Variants in POLN observed in about 807,000 individuals in gnomAD.
POLN encodes DNA polymerase nu.
In POLN, 108 loss-of-function variants were observed where a neutral mutation model predicts 113.5. That is an observed-to-expected ratio of 0.95 (90% confidence interval 0.81 to 1.12). POLN has a LOEUF of 1.12. Among genes scored for constraint, POLN ranks in the 50% most tolerant of loss-of-function variants. The pLI, the probability that POLN is intolerant of heterozygous loss-of-function variation, is 0.00. For missense variants in POLN, 1,097 were observed against 1,077.1 expected (o/e 1.02, Z -0.26); for synonymous variants, 386 against 391.5 (o/e 0.99, Z 0.17).
intron 19 of POLN, among the ~76,000 whole-genome samples, chr4:2,115,312 C>A (rs2108714774): frequency 6.6e-6 from 1 of 151,092 alleles, no homozygotes; most frequent in African/African-American, 2.4e-5. Context: ...AAGTGATCTG[C>A]CTGCCTCAGC....
chr4:2,197,736 A>G (rs1452171654), intron 6 of POLN, among the ~76,000 whole-genome samples: 1 of 152,206 alleles, frequency 6.6e-6, no homozygotes, highest in Non-Finnish European at 1.5e-5. Context: ...CCTTCTCCCC[A>G]AAAGTTACCT....
chr4:2,081,414 G>T, intron 22 of POLN: 1 of 624,942 alleles, frequency 1.6e-6, no homozygotes, highest in East Asian at 2.8e-5. Flanking sequence ...AGTTCTTGCG[G>T]GAATCATCCA....
chr4:2,075,365 G>A, intron 24 of POLN, 87 bp downstream of exon 24: 1 of 1,408,612 alleles, frequency 7.1e-7, no homozygotes, highest in Non-Finnish European at 9.9e-7. Flanking sequence ...GACAGCTGAG[G>A]GGCTTTCCTG....
At chr4:2,140,089 A>ATTTG (rs1229655281) in intron 16 of POLN, 2 of 151,808 alleles carry the variant, frequency 1.3e-5, no homozygotes, top group East Asian at 3.9e-4. Context: ...TTATTTATTT[A>ATTTG]TTTTTTTGAG....
At chr4:2,176,383 G>A in intron 8 of POLN, 49 bp from the exon 9 acceptor site, 2 of 1,395,932 alleles carry the variant, frequency 1.4e-6, no homozygotes. Context: ...CTTGGTGGCA[G>A]TGCTCACCAC....
chr4:2,074,328 T>G (rs1328333617), intron 24 of POLN, among the ~76,000 whole-genome samples: 1 of 152,098 alleles, frequency 6.6e-6, no homozygotes, highest in African/African-American at 2.4e-5. Context: ...GCCCGACCCC[T>G]GGTTCCCCAG....
intron 16 of POLN, among the ~76,000 whole-genome samples, chr4:2,154,141 T>C (rs1266265572): frequency 7.8e-6 from 1 of 127,514 alleles, no homozygotes; most frequent in Non-Finnish European, 1.5e-5. Flanking sequence ...GAGCTTGCAG[T>C]GAGCTGAGAT....
chr4:2,131,958 G>T (rs1160371148), intron 16 of POLN, among the ~76,000 whole-genome samples: 1 of 152,192 alleles, frequency 6.6e-6, no homozygotes, highest in Non-Finnish European at 1.5e-5. Flanking sequence ...TGCTTTGTCT[G>T]GGAATAGAAC....
chr4:2,089,834 C>A, intron 20 of POLN: 1 of 864,458 alleles, frequency 1.2e-6, no homozygotes, highest in Middle Eastern at 3.0e-4. Context: ...AACAAATCAG[C>A]ATCTAGGTTC....
At chr4:2,206,056 T>C (rs1733835364) in intron 5 of POLN, among the ~76,000 whole-genome samples, 1 of 152,112 alleles carries the variant, frequency 6.6e-6, no homozygotes, top group South Asian at 2.1e-4. Flanking sequence ...AATAGGCACA[T>C]AGACCAATTG....
chr4:2,077,033 T>G (rs1466061768), intron 23 of POLN: 3 of 148,776 alleles, frequency 2.0e-5, no homozygotes, highest in African/African-American at 7.5e-5. Flanking sequence ...GGGAGGGAGG[T>G]AAGGAGTGGG....
chr4:2,125,606 T>C (rs1731559404), intron 19 of POLN, among the ~76,000 whole-genome samples: 2 of 151,880 alleles, frequency 1.3e-5, no homozygotes, highest in African/African-American at 4.8e-5. Context: ...AGCAAGTAAA[T>C]AATGGGGATC....
At chr4:2,082,469 T>C (rs749724221) in intron 21 of POLN, among the ~76,000 whole-genome samples, 8 of 152,206 alleles carry the variant, frequency 5.3e-5, no homozygotes, top group Non-Finnish European at 1.0e-4. Flanking sequence ...GCAGATCCAA[T>C]CTTGAGTGGC....
Position 2,208,100 on chromosome 4 carries a change from T to G in POLN, c.601A>C (p.Arg201=). Residue 201 remains arginine (R), a synonymous_variant, in exon 5 of 26, where the codon AGG becomes CGG. Transcript: ENST00000511885. The part of the protein sequence containing the change: ...GALKKHFCDI[R]HLDDWAKSQL... ...CTTTTTGCCCAATCATCCAAATGCC[T>G]AATATCACAAAAATGTTTTTTCAAT... 6.2e-7 allele frequency: 1 copy of G among 1,614,230 alleles called. No individual in the cohort carries two copies. Among genetic ancestry groups the G allele is most frequent in the South Asian group, 1.1e-5 (1 of 91,086 alleles).
chr4:2,236,236 T>C (rs867289592), intron 2 of POLN: 4 of 1,605,342 alleles, frequency 2.5e-6, no homozygotes, highest in Non-Finnish European at 3.4e-6. Context: ...ACCTGATCAC[T>C]AAGCAAAAGC....
At position 2,144,628 on chromosome 4, in the gene POLN, G is replaced by C. The variant is rs544423648; in HGVS notation, c.1731+12160C>G. Among the ~76,000 whole-genome samples the C allele has an allele frequency of 7.9e-5, 12 of 152,168 alleles. No homozygotes were observed. The South Asian group carries it at 2.5e-3, about 32-fold the overall frequency. On this transcript the variant is annotated intron_variant, in intron 16 of 25. Transcript: ENST00000511885. ...AAATTCCGTTACCTAGTGAATATAG[G>C]CTGTAAGAATGAATGCTACATATTT...
intron 7 of POLN, among the ~76,000 whole-genome samples, chr4:2,188,621 AAAC>A (rs780878615): frequency 0.1 from 14,758 of 146,342 alleles, 1,209 homozygotes; most frequent in African/African-American, 0.24. Context: ...AAAAACAAAA[AAAC>A]AAAACAAAAC....
intron 20 of POLN, chr4:2,090,720 ACT>A (rs1730645555): frequency 5.1e-6 from 1 of 196,692 alleles, no homozygotes; most frequent in Admixed American, 5.9e-5. Context: ...TTAAAGGGGC[ACT>A]TAGTTTGGCT....
At chr4:2,240,563 T>C in intron 2 of POLN, 1 of 1,613,520 alleles carries the variant, frequency 6.2e-7, no homozygotes, top group East Asian at 2.2e-5. Flanking sequence ...GGCTAGTTAC[T>C]GAAGCCATCA....
Sources: allele counts gnomAD v4.1 joint callset (sites outside exome capture counted in the v4.1 genomes callset), GRCh38; gene constraint gnomAD v4.1.1; transcripts MANE v1.5; gene names NCBI Gene and HGNC (gene_info 2026-07-23, HGNC 2026-07-21).